Variants in EDA observed in about 807,000 individuals in gnomAD.
EDA encodes the protein ectodysplasin A.
EDA carries 2 observed loss-of-function variants against 23.6 expected under a neutral mutation model. The observed-to-expected ratio is 0.08, with a 90% CI of 0.03 to 0.27. The LOEUF (loss-of-function observed/expected upper bound fraction) is 0.27. Among genes scored for constraint, EDA ranks in the 10% least tolerant of loss-of-function variants. The pLI is 1.00. For synonymous variants in EDA, 131 were observed against 132.0 expected (o/e 0.99, Z 0.05); for missense variants, 229 against 324.2 (o/e 0.71, Z 2.26).
chrX:69,670,183 GTTTTTT>G, intron 1 of EDA: 2 of 241,827 alleles, frequency 8.3e-6, no homozygotes, highest in Non-Finnish European at 6.8e-6. Context: ...TTGGCTGACT[GTTTTTT>G]TTTTTTTTTT....
At chrX:69,983,706 C>T (rs1293280877) in intron 2 of EDA, among the ~76,000 whole-genome samples, 1 of 70,194 alleles carries the variant, frequency 1.4e-5, no homozygotes, top group Admixed American at 1.8e-4. Context: ...TCCTTCATTT[C>T]AACTTTGGTG....
At chrX:69,802,831 A>G (rs1306578617) in intron 1 of EDA, among the ~76,000 whole-genome samples, 1 of 112,250 alleles carries the variant, frequency 8.9e-6, no homozygotes, top group South Asian at 3.6e-4. Context: ...CATAAAGGCC[A>G]CAAAACACTA....
intron 1 of EDA, among the ~76,000 whole-genome samples, chrX:69,676,758 C>A (rs946406631): frequency 1.8e-5 from 2 of 111,083 alleles, no homozygotes; most frequent in African/African-American, 3.3e-5. Context: ...GGTGGACTCC[C>A]CTGTCTTGGA....
chrX:69,630,664 C>A (rs1233531485), intron 1 of EDA, among the ~76,000 whole-genome samples: 3 of 112,269 alleles, frequency 2.7e-5, no homozygotes, highest in African/African-American at 6.5e-5. Flanking sequence ...TTTGATAAAT[C>A]TGTCTCTTTG....
chrX:69,767,471 T>C (rs1040072895), intron 1 of EDA, among the ~76,000 whole-genome samples: 5 of 111,256 alleles, frequency 4.5e-5, no homozygotes, highest in Admixed American at 1.9e-4. Flanking sequence ...TCATAGAGTA[T>C]GAACTTTTTC....
intron 1 of EDA, among the ~76,000 whole-genome samples, chrX:69,946,111 G>A (rs927947506): frequency 2.7e-5 from 3 of 111,264 alleles, no homozygotes; most frequent in Non-Finnish European, 5.7e-5. Context: ...TAGTGTTATA[G>A]TCTTTAAAAT....
intron 1 of EDA, among the ~76,000 whole-genome samples, chrX:69,904,225 C>A (rs1444507545): frequency 8.9e-6 from 1 of 112,173 alleles, no homozygotes; most frequent in South Asian, 3.7e-4. Context: ...CAAATCAATT[C>A]TTCTAGTTAT....
At chrX:69,678,452 A>G (rs1323729032) in intron 1 of EDA, among the ~76,000 whole-genome samples, 2 of 111,834 alleles carry the variant, frequency 1.8e-5, no homozygotes, top group Admixed American at 9.5e-5. Context: ...TCCTACCCAT[A>G]AGCATGTAAT....
intron 1 of EDA, among the ~76,000 whole-genome samples, chrX:69,729,961 T>C (rs962837597): frequency 8.9e-6 from 1 of 111,967 alleles, no homozygotes; most frequent in Non-Finnish European, 1.9e-5. Flanking sequence ...TTATGCTGCT[T>C]TATTTTTCTT....
At chrX:69,987,776 C>T (rs1265255701) in intron 2 of EDA, among the ~76,000 whole-genome samples, 1 of 111,444 alleles carries the variant, frequency 9.0e-6, no homozygotes, top group Non-Finnish European at 1.9e-5. Context: ...TCCATTTCTT[C>T]CCCCCACAAA....
At chrX:69,766,833 G>A (rs770025951) in intron 1 of EDA, among the ~76,000 whole-genome samples, 10 of 112,388 alleles carry the variant, frequency 8.9e-5, no homozygotes, top group Non-Finnish European at 1.1e-4. Flanking sequence ...GGATCGAATG[G>A]TAGTTCTGTT....
intron 1 of EDA, among the ~76,000 whole-genome samples, chrX:69,847,771 T>C (rs1224021787): frequency 1.8e-5 from 2 of 111,851 alleles, no homozygotes; most frequent in Non-Finnish European, 3.8e-5. Flanking sequence ...ACTAAATACA[T>C]TGATGTACAG....
chrX:69,737,739 C>T lies in EDA; in HGVS notation c.396+121035C>T, dbSNP rs769462844. Among the ~76,000 whole-genome samples the T allele has an allele frequency of 3.6e-5, 4 of 111,963 alleles. No homozygotes were observed. The East Asian group carries it at 1.1e-3, about 31-fold the overall frequency. On this transcript the variant is annotated intron_variant, in intron 1 of 7. Transcript: ENST00000374552. ...GCCTGAAGAGCTTAATTTAAAATTT[C>T]TTGCAGTGTAAGTCTGCTGGTAATG...
In EDA at chrX:69,717,201, G is replaced by T. The variant is rs764612285; in HGVS notation, c.396+100497G>T. Among the ~76,000 whole-genome samples the T allele has an allele frequency of 2.7e-5, 3 of 110,739 alleles. No individual in the cohort carries two copies. The Admixed American group carries it at 2.9e-4, about 11-fold the overall frequency. On this transcript the variant is annotated intron_variant, in intron 1 of 7. Transcript: ENST00000374552. ...CCATTCAATATGATGTTGTCTGTGGGTTTGTCATAAATGGCTTTTATTATT... is the reference window on the plus strand; with the variant it reads ...CCATTCAATATGATGTTGTCTGTGGTTTTGTCATAAATGGCTTTTATTATT...
Position 69,844,401 on chromosome X carries a change from A to G in EDA, c.397-112626A>G, listed in dbSNP as rs980686839. Among the ~76,000 whole-genome samples, 3 of 113,055 alleles carry G rather than the reference A, an allele frequency of 2.7e-5. No individual in the cohort carries two copies. In the East Asian group the frequency reaches 8.4e-4, roughly 32 times the overall value. On this transcript the variant is annotated intron_variant, in intron 1 of 7. Transcript: ENST00000374552. ...TTTTCCTAAGGCTGCTGTAGTGTTG[A>G]TCTTCTAGTAGAGATCAAGCTGTTT... is the stretch of plus-strand genomic sequence containing the variant.
rs774566813 is a variant in EDA at position 69,989,283 on chromosome X, G to A, written c.502+32151G>A. Among the ~76,000 whole-genome samples the A allele has an allele frequency of 1.9e-4, 21 of 111,774 alleles. No individual in the cohort carries two copies. The South Asian group carries it at 6.8e-3, about 36-fold the overall frequency. On this transcript the variant is annotated intron_variant, in intron 2 of 7. Coordinates refer to ENST00000374552, the MANE Select transcript of EDA (RefSeq NM_001399.5). ...TAGTATCAGTGAGGCCAAGGGGGTA[G>A]CCGAACTTTCACTCCACCCATTTGC... is the stretch of plus-strand genomic sequence containing the variant.
At chrX:69,937,074 G>T (rs1408941481) in intron 1 of EDA, 2 of 625,992 alleles carry the variant, frequency 3.2e-6, no homozygotes, top group Middle Eastern at 5.3e-4. Context: ...ACTGTCTGTT[G>T]TTCAAAGGAT....
At chrX:69,648,333 C>T (rs1300598405) in intron 1 of EDA, among the ~76,000 whole-genome samples, 3 of 111,975 alleles carry the variant, frequency 2.7e-5, no homozygotes, top group African/African-American at 9.7e-5. Context: ...GCCACCCTTT[C>T]CCCCAGGAGA....
At chrX:69,794,609 GT>G (rs2015498100) in intron 1 of EDA, among the ~76,000 whole-genome samples, 1 of 112,401 alleles carries the variant, frequency 8.9e-6, no homozygotes. Context: ...TATAAACAAT[GT>G]TTTGGAGGAC....
Sources: gnomAD v4.1 joint callset for allele counts (sites outside exome capture counted in the v4.1 genomes callset) on GRCh38, gnomAD v4.1.1 for gene constraint, MANE v1.5 for transcripts, NCBI Gene and HGNC (gene_info 2026-07-23, HGNC 2026-07-21) for gene names.